SORBS2: variants seen among roughly 807,000 people sequenced by gnomAD.
SORBS2 encodes the protein sorbin and SH3 domain containing 2, also known as sorbin and SH3 domain-containing protein 2.
SORBS2 carries 46 observed loss-of-function variants against 97.7 expected under a neutral mutation model. The ratio of observed to expected loss-of-function variants is 0.47; its 90% CI spans 0.37 to 0.60. The LOEUF (loss-of-function observed/expected upper bound fraction) is 0.60, where lower values mean the gene tolerates loss of function less well. SORBS2 is among the 20% of genes least tolerant of loss of function. The probability of loss-of-function intolerance (pLI) is 0.00; values close to 1 mark genes in which losing one functional copy is unlikely to be tolerated. For missense variants in SORBS2, 1,316 were observed against 1,282.3 expected (o/e 1.03, Z -0.40); for synonymous variants, 476 against 473.4 (o/e 1.01, Z -0.07).
chr4:185,596,616 C>G (rs1227152670), intron 12 of SORBS2, among the ~76,000 whole-genome samples: 7 of 141,830 alleles, frequency 4.9e-5, no homozygotes. Flanking sequence ...CTCACTGCAA[C>G]CTCTGCCTCC....
At chr4:185,770,807 C>G (rs1171977377) in intron 2 of SORBS2, among the ~76,000 whole-genome samples, 1 of 151,964 alleles carries the variant, frequency 6.6e-6, no homozygotes, top group Non-Finnish European at 1.5e-5. Flanking sequence ...CAATTAAGCA[C>G]AAAAAGATTT....
rs1036111704 is a variant in SORBS2, at chr4:185,806,615, G to T, written c.-337-31249C>A. Among the ~76,000 whole-genome samples the T allele has an allele frequency of 4.0e-5, 6 of 151,240 alleles. No individual in the cohort carries two copies. In the South Asian group the frequency reaches 6.4e-4, roughly 16 times the overall value. Reference sequence around the variant, plus strand: ...TGGGACTACAGGCGCCCGCCACTACGCCCGGCTAATTTTTTGTATTTTTTA... The same window carrying T: ...TGGGACTACAGGCGCCCGCCACTACTCCCGGCTAATTTTTTGTATTTTTTA... On this transcript the variant is annotated intron_variant, in intron 1 of 20. Transcript: ENST00000284776.
At chr4:185,616,138 T>C (rs1451155460) in intron 9 of SORBS2, among the ~76,000 whole-genome samples, 1 of 152,240 alleles carries the variant, frequency 6.6e-6, no homozygotes, top group Non-Finnish European at 1.5e-5. Flanking sequence ...TGCATTGTTT[T>C]GTTCAGAATT....
intron 4 of SORBS2, 148 bp from the exon 14 acceptor site, chr4:185,639,183 C>T (rs767078455): frequency 8.3e-5 from 56 of 673,278 alleles, no homozygotes; most frequent in Admixed American, 1.2e-4. Context: ...ACCCAGACGC[C>T]TCGGGAGCGA....
intron 4 of SORBS2, chr4:185,645,481 A>G (rs970606321): frequency 1.3e-5 from 2 of 152,336 alleles, no homozygotes; most frequent in East Asian, 3.9e-4. Context: ...GAAGGCTTAG[A>G]CAAATATCAT....
intron 1 of SORBS2, among the ~76,000 whole-genome samples, chr4:185,881,126 C>T (rs951449154): frequency 1.3e-5 from 2 of 152,142 alleles, no homozygotes; most frequent in Non-Finnish European, 2.9e-5. Context: ...AATGTAATAT[C>T]ATTGAAACAA....
chr4:185,651,510 T>C (rs1400041633), intron 2 of SORBS2, among the ~76,000 whole-genome samples: 1 of 152,222 alleles, frequency 6.6e-6, no homozygotes, highest in African/African-American at 2.4e-5. Flanking sequence ...AGTGTGTCCT[T>C]TCAGCCTATC....
chr4:185,931,597 A>G (rs2099266458), intron 1 of SORBS2, among the ~76,000 whole-genome samples: 1 of 152,128 alleles, frequency 6.6e-6, no homozygotes, highest in Admixed American at 6.5e-5. Flanking sequence ...GTGATAAGAT[A>G]CCAAGGCTAG....
chr4:185,701,918 G>A (rs896462201), intron 2 of SORBS2, among the ~76,000 whole-genome samples: 10 of 152,136 alleles, frequency 6.6e-5, no homozygotes, highest in East Asian at 1.9e-4. Flanking sequence ...CTACAGGCAC[G>A]TGCCAGCACG....
At chr4:185,744,356 G>C (rs2153589746) in intron 2 of SORBS2, among the ~76,000 whole-genome samples, 1 of 152,250 alleles carries the variant, frequency 6.6e-6, no homozygotes, top group African/African-American at 2.4e-5. Flanking sequence ...AGAGTACTTT[G>C]TGGGTTTTGG....
chr4:185,744,250 G>T (rs561298865), intron 2 of SORBS2, among the ~76,000 whole-genome samples: 1 of 152,092 alleles, frequency 6.6e-6, no homozygotes, highest in South Asian at 2.1e-4. Context: ...CATGTGGGCT[G>T]GTGGTTTTGA....
At chr4:185,781,156 C>T (rs1012905183) in intron 1 of SORBS2, among the ~76,000 whole-genome samples, 2 of 152,084 alleles carry the variant, frequency 1.3e-5, no homozygotes, top group Non-Finnish European at 2.9e-5. Context: ...AGGTTGGTCT[C>T]GAACTCCTAA....
intron 1 of SORBS2, among the ~76,000 whole-genome samples, chr4:185,821,278 T>G (rs1585248079): frequency 6.6e-6 from 1 of 151,500 alleles, no homozygotes. Context: ...AGAGGTGGAG[T>G]GGCACAGAAG....
At chr4:185,899,393 G>A (rs1034321686) in intron 1 of SORBS2, among the ~76,000 whole-genome samples, 11 of 152,226 alleles carry the variant, frequency 7.2e-5, no homozygotes, top group South Asian at 2.1e-4. Flanking sequence ...AGATTCTGTC[G>A]TTCTCGAAAA....
chr4:185,792,341 A>G (rs991320070), intron 1 of SORBS2, among the ~76,000 whole-genome samples: 2 of 152,148 alleles, frequency 1.3e-5, no homozygotes, highest in Non-Finnish European at 2.9e-5. Context: ...TAAAAATACA[A>G]AAATTAGCTG....
chr4:185,836,846 C>T (rs1477854088), intron 1 of SORBS2, among the ~76,000 whole-genome samples: 2 of 152,164 alleles, frequency 1.3e-5, no homozygotes, highest in East Asian at 3.8e-4. Context: ...TGGAGTGTAA[C>T]AAAAGGTGCA....
intron 1 of SORBS2, among the ~76,000 whole-genome samples, chr4:185,841,085 T>C (rs901314172): frequency 1.3e-5 from 2 of 152,072 alleles, no homozygotes; most frequent in African/African-American, 4.8e-5. Context: ...GGTCAACAAA[T>C]GTGTGGCGTG....
chr4:185,654,448 T>G (rs1337040422), intron 1 of SORBS2, among the ~76,000 whole-genome samples: 4 of 152,216 alleles, frequency 2.6e-5, no homozygotes, highest in Non-Finnish European at 5.9e-5. Flanking sequence ...GTCCTATCAC[T>G]GTATATGGCA....
chr4:185,861,609 T>TC (rs1462285124), intron 1 of SORBS2, among the ~76,000 whole-genome samples: 1 of 147,250 alleles, frequency 6.8e-6, no homozygotes, highest in Admixed American at 6.8e-5. Context: ...ATTTTTTTTT[T>TC]TTTCTTTCTT....
Sources: allele counts gnomAD v4.1 joint callset (sites outside exome capture counted in the v4.1 genomes callset), GRCh38; gene constraint gnomAD v4.1.1; transcripts MANE v1.5; gene names NCBI Gene and HGNC (gene_info 2026-07-23, HGNC 2026-07-21).